NALF1: variants seen among roughly 807,000 people sequenced by gnomAD.
The protein encoded by NALF1 is NALCN channel auxiliary factor 1.
In NALF1, 3 loss-of-function variants were observed where a neutral mutation model predicts 48.4. That is an observed-to-expected ratio of 0.06 (90% confidence interval 0.03 to 0.16). The LOEUF (loss-of-function observed/expected upper bound fraction) is 0.16, where lower values mean the gene tolerates loss of function less well. Ranked by LOEUF, NALF1 falls within the 10% of genes least tolerant of loss-of-function variation. NALF1 has a pLI of 1.00. For missense variants in NALF1, 526 were observed against 571.5 expected, an observed-to-expected ratio of 0.92 and a Z score of 0.81; for synonymous variants, 262 against 245.7, an observed-to-expected ratio of 1.07 and a Z score of -0.62.
intron 1 of NALF1, among the ~76,000 whole-genome samples, chr13:107,290,296 C>T (rs1270626118): frequency 1.3e-5 from 2 of 152,008 alleles, no homozygotes; most frequent in Non-Finnish European, 2.9e-5. Flanking sequence ...GTAATTCCCT[C>T]CTCCCTTCCA....
chr13:107,818,871 C>CAAAAAAAAAA (rs774372636), intron 1 of NALF1, among the ~76,000 whole-genome samples: 15 of 73,818 alleles, frequency 2.0e-4, no homozygotes, highest in Middle Eastern at 8.9e-3. Context: ...GACTCCGTCT[C>CAAAAAAAAAA]AAAAAAAAAA....
intron 1 of NALF1, among the ~76,000 whole-genome samples, chr13:107,407,008 C>T (rs1199352733): frequency 1.3e-5 from 2 of 152,064 alleles, no homozygotes; most frequent in East Asian, 3.9e-4. Flanking sequence ...CAAGAACATA[C>T]AGTCTGGAAA....
At chr13:107,361,075 G>T (rs755534015) in intron 1 of NALF1, among the ~76,000 whole-genome samples, 5 of 152,114 alleles carry the variant, frequency 3.3e-5, no homozygotes, top group South Asian at 2.1e-4. Context: ...CACATATAAA[G>T]ATTTTACTCT....
chr13:107,280,050 C>T (rs1268195425), intron 1 of NALF1, among the ~76,000 whole-genome samples: 3 of 152,116 alleles, frequency 2.0e-5, no homozygotes, highest in Non-Finnish European at 4.4e-5. Context: ...CCTTGGCCTC[C>T]CAAAGTGCTG....
chr13:107,527,035 T>G (rs531607740), intron 1 of NALF1, among the ~76,000 whole-genome samples: 50 of 152,288 alleles, frequency 3.3e-4, no homozygotes, highest in African/African-American at 1.1e-3. Flanking sequence ...GCATGATTCA[T>G]ATAAGCCCCA....
intron 1 of NALF1, among the ~76,000 whole-genome samples, chr13:107,363,758 G>C (rs1162016229): frequency 1.3e-5 from 2 of 152,122 alleles, no homozygotes; most frequent in African/African-American, 2.4e-5. Flanking sequence ...AAGTTTTCTT[G>C]GATCAGAATT....
intron 1 of NALF1, among the ~76,000 whole-genome samples, chr13:107,480,888 A>G (rs1885244351): frequency 6.6e-6 from 1 of 152,208 alleles, no homozygotes; most frequent in African/African-American, 2.4e-5. Flanking sequence ...AACAAAACAT[A>G]CTGATGAAGG....
intron 1 of NALF1, among the ~76,000 whole-genome samples, chr13:107,433,816 G>C (rs1235145516): frequency 2.0e-5 from 3 of 152,096 alleles, no homozygotes; most frequent in Admixed American, 6.6e-5. Context: ...TGAACTCCCA[G>C]ATGCTCTGCT....
At chr13:107,673,286 G>A (rs1881034319) in intron 1 of NALF1, among the ~76,000 whole-genome samples, 1 of 152,108 alleles carries the variant, frequency 6.6e-6, no homozygotes, top group African/African-American at 2.4e-5. Context: ...AATTAGTAGA[G>A]GAAAATAAAC....
At chr13:107,659,118 C>G (rs1261414770) in intron 1 of NALF1, among the ~76,000 whole-genome samples, 4 of 148,520 alleles carry the variant, frequency 2.7e-5, no homozygotes, top group African/African-American at 1.0e-4. Flanking sequence ...CACACAGACA[C>G]ACACACACAC....
At chr13:107,340,466 C>CTTTCTTTCTTTCTTTCTTTCTTTCT (rs201495618) in intron 1 of NALF1, among the ~76,000 whole-genome samples, 2 of 101,698 alleles carry the variant, frequency 2.0e-5, no homozygotes, top group Admixed American at 1.1e-4. Context: ...TTCTTTCTTT[C>CTTTCTTTCTTTCTTTCTTTCTTTCT]TTCTCTCTTT....
At chr13:107,432,529 T>G (rs1884399639) in intron 1 of NALF1, among the ~76,000 whole-genome samples, 3 of 152,096 alleles carry the variant, frequency 2.0e-5, no homozygotes, top group Admixed American at 2.0e-4. Context: ...TTGGAAAGTG[T>G]CAGCTGCTTC....
intron 2 of NALF1, among the ~76,000 whole-genome samples, chr13:107,200,986 A>G (rs748420637): frequency 2.6e-5 from 4 of 152,002 alleles, no homozygotes; most frequent in Non-Finnish European, 5.9e-5. Flanking sequence ...GAAAATGAAC[A>G]CTCATCCAGT....
chr13:107,643,336 T>A (rs1880213832), intron 1 of NALF1, among the ~76,000 whole-genome samples: 1 of 152,168 alleles, frequency 6.6e-6, no homozygotes, highest in South Asian at 2.1e-4. Flanking sequence ...GGTATTAGTA[T>A]AACCAAAGAA....
intron 1 of NALF1, among the ~76,000 whole-genome samples, chr13:107,681,007 G>T (rs1303916918): frequency 1.3e-5 from 2 of 151,582 alleles, no homozygotes; most frequent in Non-Finnish European, 2.9e-5. Context: ...TTTTCTGCCT[G>T]TTTTTTTAAG....
intron 1 of NALF1, among the ~76,000 whole-genome samples, chr13:107,338,698 G>A (rs1277027178): frequency 6.6e-6 from 1 of 152,118 alleles, no homozygotes; most frequent in East Asian, 1.9e-4. Flanking sequence ...GAGCCATTCG[G>A]ATTAACTTCT....
chr13:107,669,316 T>C (rs1027278369), intron 1 of NALF1, among the ~76,000 whole-genome samples: 1 of 152,168 alleles, frequency 6.6e-6, no homozygotes, highest in African/African-American at 2.4e-5. Flanking sequence ...CTCTTAATAG[T>C]CATTGCTTAT....
At chr13:107,280,732 C>T (rs1029445312) in intron 1 of NALF1, among the ~76,000 whole-genome samples, 2 of 152,132 alleles carry the variant, frequency 1.3e-5, no homozygotes, top group Non-Finnish European at 2.9e-5. Flanking sequence ...GACCAGTCAG[C>T]TCTAATTAAA....
At chr13:107,773,394 T>C (rs1877633455) in intron 1 of NALF1, among the ~76,000 whole-genome samples, 1 of 152,172 alleles carries the variant, frequency 6.6e-6, no homozygotes, top group Non-Finnish European at 1.5e-5. Flanking sequence ...TGTCTTTGTT[T>C]AAAGCTAATA....
Sources: allele counts gnomAD v4.1 joint callset (sites outside exome capture counted in the v4.1 genomes callset), GRCh38; gene constraint gnomAD v4.1.1; transcripts MANE v1.5; gene names NCBI Gene and HGNC (gene_info 2026-07-23, HGNC 2026-07-21).